C8orf89: variants seen among roughly 807,000 people sequenced by gnomAD.
C8orf89 encodes putative uncharacterized protein C8orf89.
C8orf89 carries 14 observed loss-of-function variants against 15.8 expected under a neutral mutation model. The ratio of observed to expected loss-of-function variants is 0.89; its 90% CI spans 0.59 to 1.39. C8orf89 has a LOEUF of 1.39. Ranked by LOEUF, C8orf89 falls within the 40% of genes most tolerant of loss-of-function variation. The pLI is 0.00. For synonymous variants in C8orf89, 55 were observed against 62.2 expected (o/e 0.88, Z 0.54); for missense variants, 181 against 184.5 (o/e 0.98, Z 0.11).
chr8:73,242,202 G>A (rs1030518291), intron 3 of C8orf89, among the ~76,000 whole-genome samples: 9 of 152,068 alleles, frequency 5.9e-5, no homozygotes, highest in African/African-American at 2.2e-4. Context: ...TCAACAAAAT[G>A]AAAAGAACCT....
At chr8:73,270,822 C>T in the C8orf89 span, among the ~76,000 whole-genome samples, 3 of 152,090 alleles carry the variant, frequency 2.0e-5, no homozygotes, top group Non-Finnish European at 4.4e-5. Flanking sequence ...AAAACACTTG[C>T]AAAGTGCTTA....
the C8orf89 span, among the ~76,000 whole-genome samples, chr8:73,285,585 C>T: frequency 7.9e-5 from 12 of 152,270 alleles, no homozygotes; most frequent in Non-Finnish European, 1.5e-4. Flanking sequence ...AGGGCTCGTC[C>T]TGAGACGGGC....
rs148644819 is a variant in C8orf89 at position 73,254,540 on chromosome 8, A to G, written c.281+2433T>C. On this transcript the variant is annotated intron_variant, in intron 2 of 3. Coordinates refer to ENST00000624510, the MANE Select transcript of C8orf89 (RefSeq NM_001243237.3). ...GAGGTCACAGGAACTGGGAGTGGCA[A>G]GAAGGAAGCTGCTAAACGGGATCCA... Among the ~76,000 whole-genome samples, 434 of 152,268 alleles carry G rather than the reference A, an allele frequency of 2.9e-3. 2 individuals carry two copies. The highest frequency in any genetic ancestry group is 0.01 in the African/African-American group (423 of 41,540).
chr8:73,265,857 CA>C, the C8orf89 span, among the ~76,000 whole-genome samples: 1 of 152,184 alleles, frequency 6.6e-6, no homozygotes, highest in African/African-American at 2.4e-5. Flanking sequence ...CATCATGCTC[CA>C]GTAACAAAAG....
intron 3 of C8orf89, among the ~76,000 whole-genome samples, chr8:73,249,896 C>T (rs895081971): frequency 6.6e-5 from 10 of 152,158 alleles, no homozygotes; most frequent in Non-Finnish European, 1.3e-4. Flanking sequence ...AGAGTTTATA[C>T]TCAGTCTGTG....
chr8:73,276,139 T>C, the C8orf89 span, among the ~76,000 whole-genome samples: 1 of 151,888 alleles, frequency 6.6e-6, no homozygotes, highest in South Asian at 2.1e-4. Context: ...TATTATTAGT[T>C]GTATCAGAAA....
the C8orf89 span, among the ~76,000 whole-genome samples, chr8:73,283,840 G>C: frequency 2.0e-5 from 3 of 151,962 alleles, no homozygotes; most frequent in South Asian, 6.2e-4. Flanking sequence ...AGGAGTTCAA[G>C]ACCACCCTGG....
At chr8:73,273,891 CTTAG>C in the C8orf89 span, among the ~76,000 whole-genome samples, 7 of 151,028 alleles carry the variant, frequency 4.6e-5, 1 homozygote, top group African/African-American at 1.7e-4. Context: ...TATTTTATTT[CTTAG>C]TTAAGTATAT....
intron 3 of C8orf89, among the ~76,000 whole-genome samples, chr8:73,244,446 T>C (rs561026411): frequency 2.0e-5 from 3 of 152,362 alleles, no homozygotes; most frequent in African/African-American, 4.8e-5. Flanking sequence ...CCTAAATACA[T>C]GTAGAAATAT....
the C8orf89 span, among the ~76,000 whole-genome samples, chr8:73,267,771 A>G: frequency 6.6e-6 from 1 of 152,340 alleles, no homozygotes. Context: ...ACGTACAGTC[A>G]GTTGACTTTA....
chr8:73,274,947 C>T, the C8orf89 span, among the ~76,000 whole-genome samples: 1 of 152,160 alleles, frequency 6.6e-6, no homozygotes, highest in East Asian at 1.9e-4. Context: ...TATCCATCCT[C>T]CTACAAGTGG....
intron 2 of C8orf89, among the ~76,000 whole-genome samples, chr8:73,256,052 A>G (rs1297448120): frequency 1.3e-5 from 2 of 151,854 alleles, no homozygotes; most frequent in East Asian, 3.9e-4. Flanking sequence ...TGGCACATGT[A>G]TACATATGTA....
the C8orf89 span, among the ~76,000 whole-genome samples, chr8:73,267,114 C>A: frequency 6.6e-6 from 1 of 152,072 alleles, no homozygotes; most frequent in African/African-American, 2.4e-5. Flanking sequence ...CCCCCTTATC[C>A]CTGGGGAATA....
At chr8:73,242,468 T>A (rs1813027832) in intron 3 of C8orf89, among the ~76,000 whole-genome samples, 1 of 152,036 alleles carries the variant, frequency 6.6e-6, no homozygotes, top group African/African-American at 2.4e-5. Flanking sequence ...TTAATAAAAA[T>A]TAATTAATTA....
chr8:73,265,939 G>A, the C8orf89 span, among the ~76,000 whole-genome samples: 26 of 152,228 alleles, frequency 1.7e-4, no homozygotes, highest in South Asian at 1.0e-3. Context: ...AGAGCTGTTC[G>A]TTTTATCTCT....
At chr8:73,272,019 C>T in the C8orf89 span, among the ~76,000 whole-genome samples, 2 of 152,168 alleles carry the variant, frequency 1.3e-5, no homozygotes, top group East Asian at 1.9e-4. Flanking sequence ...ATGATAGCTG[C>T]AATTATTATC....
chr8:73,274,349 C>T, the C8orf89 span, among the ~76,000 whole-genome samples: 1 of 152,086 alleles, frequency 6.6e-6, no homozygotes, highest in East Asian at 1.9e-4. Context: ...GATGGGGTTT[C>T]ACCGTGTTAG....
At chr8:73,281,326 G>A in the C8orf89 span, among the ~76,000 whole-genome samples, 1 of 152,056 alleles carries the variant, frequency 6.6e-6, no homozygotes, top group Non-Finnish European at 1.5e-5. Context: ...AAAAGAGAAT[G>A]AAAATAACTC....
At chr8:73,255,275 A>G (rs1813344853) in intron 2 of C8orf89, among the ~76,000 whole-genome samples, 1 of 152,228 alleles carries the variant, frequency 6.6e-6, no homozygotes, top group Non-Finnish European at 1.5e-5. Context: ...TTTACAAGAA[A>G]AAAACAAACA....
Sources: allele counts gnomAD v4.1 joint callset (sites outside exome capture counted in the v4.1 genomes callset), GRCh38; gene constraint gnomAD v4.1.1; transcripts MANE v1.5; gene names NCBI Gene and HGNC (gene_info 2026-07-23, HGNC 2026-07-21).